The following ANO1 variants were observed in gnomAD, a reference collection of about 807,000 sequenced individuals.
The protein encoded by ANO1 is anoctamin 1.
A neutral mutation model predicts 124.0 loss-of-function variants in ANO1; 59 were observed. That is an observed-to-expected ratio of 0.48 (90% CI 0.39 to 0.59). ANO1 has a LOEUF of 0.59. Ranked by LOEUF, ANO1 falls within the 20% of genes least tolerant of loss-of-function variation. The probability of loss-of-function intolerance (pLI) is 0.00; values close to 1 mark genes in which losing one functional copy is unlikely to be tolerated. For synonymous variants in ANO1, 529 were observed against 532.0 expected (o/e 0.99, Z 0.08); for missense variants, 1,059 against 1,328.0 (o/e 0.80, Z 3.15).
rs542059565 is a variant in ANO1 at position 70,131,523 on chromosome 11, T to C, written c.1098-396T>C. Among the ~76,000 whole-genome samples the C allele has an allele frequency of 2.6e-5, 4 of 152,318 alleles. No homozygotes were observed. The East Asian group carries it at 7.7e-4, about 29-fold the overall frequency. The stretch of plus-strand genomic sequence containing the variant: ...TTGTGTTTTTAGTAGAGACAGGGTT[T>C]CACCATTTTGGCCAGGCTGGTCTTG... On this transcript the variant is annotated intron_variant, in intron 10 of 25. Coordinates refer to ENST00000355303, the MANE Select transcript of ANO1 (RefSeq NM_018043.7).
Position 70,149,798 on chromosome 11 carries a change from T to G in ANO1, c.1341+6T>G, listed in dbSNP as rs768938503. 5.0e-6 allele frequency: 8 copies of G among 1,613,236 alleles called. No individual in the cohort carries two copies. The highest frequency in any genetic ancestry group is 5.9e-6 in the Non-Finnish European group (7 of 1,179,622). On this transcript the variant is annotated splice_donor_region_variant and intron_variant, in intron 12 of 25. Coordinates refer to ENST00000355303, the MANE Select transcript of ANO1 (RefSeq NM_018043.7). ...CGGGCTTTGAAGAGGAAGAGGTCAG[T>G]GGGTTTGCCGCCGTGCATATCACGC... is the stretch of plus-strand genomic sequence containing the variant.
intron 1 of ANO1, among the ~76,000 whole-genome samples, chr11:69,999,580 A>C (rs1224249612): frequency 6.6e-6 from 1 of 152,138 alleles, no homozygotes; most frequent in African/African-American, 2.4e-5. Context: ...ACATAACAGG[A>C]TTCTAATGTG....
At chr11:69,968,706 C>T in the ANO1 span, among the ~76,000 whole-genome samples, 2 of 152,218 alleles carry the variant, frequency 1.3e-5, no homozygotes, top group Non-Finnish European at 2.9e-5. Flanking sequence ...GTCTGAGCCA[C>T]TCACACCTAG....
At chr11:69,995,189 T>G (rs1383449617) in intron 1 of ANO1, among the ~76,000 whole-genome samples, 1 of 148,052 alleles carries the variant, frequency 6.8e-6, no homozygotes, top group Non-Finnish European at 1.5e-5. Flanking sequence ...AACCTCCACC[T>G]CCCCAGTTCA....
the ANO1 span, among the ~76,000 whole-genome samples, chr11:69,974,177 G>A: frequency 6.6e-6 from 1 of 151,960 alleles, no homozygotes; most frequent in African/African-American, 2.4e-5. Context: ...AAATTAGCCA[G>A]GTGTGGTGGT....
chr11:70,018,108 A>T (rs1856734730), intron 1 of ANO1: 1 of 152,110 alleles, frequency 6.6e-6, no homozygotes, highest in Non-Finnish European at 1.5e-5. Context: ...TAATTCCAGC[A>T]CTTTGGGAGG....
At chr11:70,122,802 T>G (rs576168529) in intron 8 of ANO1, among the ~76,000 whole-genome samples, 1 of 152,248 alleles carries the variant, frequency 6.6e-6, no homozygotes, top group East Asian at 1.9e-4. Context: ...TCCTCCTCAC[T>G]CTCTGCCGCA....
chr11:70,151,544 C>T (rs1408978304), intron 12 of ANO1, among the ~76,000 whole-genome samples: 1 of 152,182 alleles, frequency 6.6e-6, no homozygotes, highest in Non-Finnish European at 1.5e-5. Context: ...GGAAAGTTGG[C>T]GGTGAGGCCC....
intron 1 of ANO1, among the ~76,000 whole-genome samples, chr11:70,015,451 C>T (rs1229805022): frequency 2.0e-5 from 3 of 152,080 alleles, no homozygotes; most frequent in Admixed American, 6.5e-5. Context: ...AAGTGTCACC[C>T]GGCGTGCTCA....
chr11:70,006,663 C>CTTTTTTTTTT (rs56851839), intron 1 of ANO1, among the ~76,000 whole-genome samples: 3 of 88,994 alleles, frequency 3.4e-5, no homozygotes, highest in African/African-American at 4.2e-5. Context: ...TTTCTTCTTT[C>CTTTTTTTTTT]TTTTTTTTTT....
chr11:70,151,640 C>T (rs76127919), intron 12 of ANO1, among the ~76,000 whole-genome samples: 2 of 152,102 alleles, frequency 1.3e-5, no homozygotes, highest in South Asian at 2.1e-4. Flanking sequence ...GGGTGATAAC[C>T]GAAGTCACTG....
intron 21 of ANO1, chr11:70,170,221 C>A: frequency 2.2e-6 from 1 of 452,818 alleles, no homozygotes; most frequent in Non-Finnish European, 4.4e-6. Context: ...AGGGCCACTG[C>A]CACGTCCCTT....
intron 22 of ANO1, 34 bp downstream of exon 22, chr11:70,171,073 C>T (rs760682388): frequency 4.4e-6 from 7 of 1,600,418 alleles, no homozygotes; most frequent in East Asian, 2.3e-5. Flanking sequence ...GAACCGGTTC[C>T]GAGTGCGTGC....
chr11:70,175,017 C>T (rs953626189), intron 22 of ANO1, among the ~76,000 whole-genome samples: 2 of 152,204 alleles, frequency 1.3e-5, no homozygotes, highest in Non-Finnish European at 2.9e-5. Context: ...CACCCCCGCC[C>T]GCCACCTGCC....
chr11:70,161,246 C>T lies in ANO1; in HGVS notation c.1664C>T (p.Ser555Phe), dbSNP rs1489929108. Residue 555 changes from serine to phenylalanine, a missense_variant, in exon 17 of 26, where the codon TCC becomes TTC. Transcript: ENST00000355303. Reference protein sequence around the residue: ...AAALAMNSSPSVRSNIRVTVT... With the variant: ...AAALAMNSSPFVRSNIRVTVT... ...GCCTTGGCCATGAACTCCTCCCCCT[C>T]CGTGCGGTCCAACATCCGGGTCACA... The T allele has an allele frequency of 6.2e-7, 1 of 1,613,954 alleles. No homozygotes were observed. Among genetic ancestry groups the T allele is most frequent in the South Asian group, 1.1e-5 (1 of 91,086 alleles).
At chr11:69,976,127 C>T in the ANO1 span, among the ~76,000 whole-genome samples, 1 of 152,132 alleles carries the variant, frequency 6.6e-6, no homozygotes. Flanking sequence ...GAAATCTGTC[C>T]CCTTACATTC....
intron 24 of ANO1, among the ~76,000 whole-genome samples, chr11:70,184,414 C>T (rs1418542087): frequency 1.3e-5 from 2 of 152,120 alleles, no homozygotes; most frequent in African/African-American, 2.4e-5. Context: ...ATCATATCCA[C>T]GAAGAGCCAA....
chr11:70,111,912 T>C, intron 7 of ANO1, 150 bp downstream of exon 7: 1 of 811,654 alleles, frequency 1.2e-6, no homozygotes, highest in East Asian at 2.6e-5. Flanking sequence ...AGGCCTTCCC[T>C]GTTCCCCGGG....
At chr11:70,009,577 A>G (rs1343221510) in intron 1 of ANO1, among the ~76,000 whole-genome samples, 2 of 151,988 alleles carry the variant, frequency 1.3e-5, no homozygotes, top group Admixed American at 1.3e-4. Flanking sequence ...TTGCGTTGCT[A>G]TAAAGGAATG....
Sources: allele counts gnomAD v4.1 joint callset (sites outside exome capture counted in the v4.1 genomes callset), GRCh38; gene constraint gnomAD v4.1.1; transcripts MANE v1.5; gene names NCBI Gene and HGNC (gene_info 2026-07-23, HGNC 2026-07-21).